The following PCDH15 variants were observed in gnomAD, a reference collection of about 807,000 sequenced individuals.
PCDH15 encodes protocadherin-15.
A neutral mutation model predicts 178.5 loss-of-function variants in PCDH15; 129 were observed. The ratio of observed to expected loss-of-function variants is 0.72; its 90% confidence interval spans 0.63 to 0.84. PCDH15 has a LOEUF of 0.84. Among genes scored for constraint, PCDH15 ranks in the 40% least tolerant of loss-of-function variants. The pLI, the probability that PCDH15 is intolerant of heterozygous loss-of-function variation, is 0.00. For missense variants in PCDH15, 2,230 were observed against 2,099.9 expected (o/e 1.06, Z -1.21); for synonymous variants, 800 against 732.0 (o/e 1.09, Z -1.50).
chr10:54,020,891 T>C (rs1349657649), intron 19 of PCDH15, among the ~76,000 whole-genome samples: 1 of 152,006 alleles, frequency 6.6e-6, no homozygotes, highest in East Asian at 1.9e-4. Context: ...TAAAGTACTA[T>C]AAGAAAACTG....
chr10:54,440,312 G>A (rs182087166), intron 3 of PCDH15, among the ~76,000 whole-genome samples: 1 of 152,016 alleles, frequency 6.6e-6, no homozygotes, highest in East Asian at 1.9e-4. Flanking sequence ...AGGTAAAATA[G>A]TTTCAAAACT....
intron 2 of PCDH15, among the ~76,000 whole-genome samples, chr10:55,134,822 A>C (rs1327197999): frequency 1.3e-5 from 2 of 152,170 alleles, no homozygotes; most frequent in Admixed American, 1.3e-4. Flanking sequence ...TTTTAGACTA[A>C]TCCTTCTTAA....
At chr10:53,912,165 C>A (rs1352387801) in intron 25 of PCDH15, among the ~76,000 whole-genome samples, 1 of 152,136 alleles carries the variant, frequency 6.6e-6, no homozygotes, top group African/African-American at 2.4e-5. Context: ...TAAACGTAAT[C>A]CATCACATAA....
chr10:55,230,498 C>T (rs548928038), intron 1 of PCDH15, among the ~76,000 whole-genome samples: 1 of 152,144 alleles, frequency 6.6e-6, no homozygotes, highest in East Asian at 1.9e-4. Flanking sequence ...AATACATTAA[C>T]ATTTATTGTG....
intron 6 of PCDH15, among the ~76,000 whole-genome samples, chr10:54,341,381 C>T (rs1239036979): frequency 5.9e-5 from 9 of 152,176 alleles, no homozygotes; most frequent in African/African-American, 2.2e-4. Context: ...CTTTCTGCCT[C>T]CTGCTGCATG....
At chr10:54,965,454 T>C (rs1475881120) in intron 2 of PCDH15, among the ~76,000 whole-genome samples, 1 of 152,096 alleles carries the variant, frequency 6.6e-6, no homozygotes, top group Non-Finnish European at 1.5e-5. Context: ...TCTTTGCTCC[T>C]CCTTGACCTT....
intron 2 of PCDH15, among the ~76,000 whole-genome samples, chr10:55,339,125 T>A (rs1261217474): frequency 6.6e-6 from 1 of 152,138 alleles, no homozygotes; most frequent in Admixed American, 6.6e-5. Flanking sequence ...TATTTTAAAA[T>A]ACTGAAAGAG....
intron 3 of PCDH15, among the ~76,000 whole-genome samples, chr10:54,487,255 A>G (rs1279991571): frequency 6.6e-6 from 1 of 152,086 alleles, no homozygotes; most frequent in Non-Finnish European, 1.5e-5. Context: ...AAAGACAAAT[A>G]TCACATGTTT....
intron 28 of PCDH15, among the ~76,000 whole-genome samples, chr10:53,841,290 GTTTAAA>G (rs898448206): frequency 1.5e-4 from 23 of 151,882 alleles, no homozygotes; most frequent in African/African-American, 5.3e-4. Flanking sequence ...ATTTACAGAT[GTTTAAA>G]TTTAAATAAT....
At chr10:54,273,529 T>C (rs542592656) in intron 8 of PCDH15, among the ~76,000 whole-genome samples, 2 of 152,198 alleles carry the variant, frequency 1.3e-5, no homozygotes, top group East Asian at 3.9e-4. Context: ...AGTAGCAATG[T>C]AAGCCATAAT....
intron 3 of PCDH15, among the ~76,000 whole-genome samples, chr10:54,482,203 T>C (rs941160066): frequency 6.6e-6 from 1 of 151,830 alleles, no homozygotes; most frequent in Non-Finnish European, 1.5e-5. Context: ...TTTAAAAATG[T>C]TTGGAATTTT....
At chr10:53,970,609 T>C (rs9703060) in intron 21 of PCDH15, among the ~76,000 whole-genome samples, 107,172 of 151,850 alleles carry the variant, frequency 0.71, 38,203 homozygotes, top group East Asian at 0.87. Context: ...AAGGGGATAT[T>C]ACCACTGAGC....
At chr10:55,003,323 C>A (rs1839838910) in intron 2 of PCDH15, among the ~76,000 whole-genome samples, 1 of 152,034 alleles carries the variant, frequency 6.6e-6, no homozygotes, top group African/African-American at 2.4e-5. Context: ...AAGAAAATTT[C>A]TAGGACACAA....
At chr10:54,202,570 T>C (rs1410264938) in intron 10 of PCDH15, among the ~76,000 whole-genome samples, 1 of 152,018 alleles carries the variant, frequency 6.6e-6, no homozygotes, top group African/African-American at 2.4e-5. Flanking sequence ...CCTAACACTT[T>C]GGGAGGCTGA....
chr10:54,133,026 AAAG>A lies in PCDH15; in HGVS notation c.1785-22_1785-20del. 6.2e-7 allele frequency: 1 copy of A among 1,613,972 alleles called. No individual in the cohort carries two copies. The highest frequency in any genetic ancestry group is 8.5e-7 in the Non-Finnish European group (1 of 1,179,898). ...GGAGTTCCTGCAGAGAAAGAGAGGA[AAAG>A]AAGATGGTTACGAATCTGCATCACA... On this transcript the variant is annotated intron_variant, in intron 14 of 37. Transcript: ENST00000644397.
rs2061328657 is a variant in PCDH15, at chr10:54,317,196, T to C, written c.876+75A>G. On this transcript the variant is annotated intron_variant, in intron 8 of 37. Transcript: ENST00000644397. ...GTTTTGCTATTATAAATTATATGTCTACAAAATACTTGAACATGATCCCAT... is the reference window on the plus strand; with the variant it reads ...GTTTTGCTATTATAAATTATATGTCCACAAAATACTTGAACATGATCCCAT... 2.7e-6 allele frequency: 4 copies of C among 1,494,488 alleles called. No homozygotes were observed. In the East Asian group the frequency reaches 6.9e-5, roughly 26 times the overall value. 92.6% of individuals were successfully genotyped at this position (1,494,488 alleles called of 1,614,324 possible). A position where few individuals can be genotyped will look rare whatever the true frequency, so the allele number is the denominator to read the frequency against.
chr10:54,246,746 C>A (rs2132012995), intron 8 of PCDH15, among the ~76,000 whole-genome samples: 1 of 151,920 alleles, frequency 6.6e-6, no homozygotes, highest in South Asian at 2.1e-4. Flanking sequence ...AGATTACTGT[C>A]AGTTTTCTAA....
At chr10:54,715,640 A>G (rs1004684366) in intron 1 of PCDH15, among the ~76,000 whole-genome samples, 2 of 152,008 alleles carry the variant, frequency 1.3e-5, no homozygotes, top group African/African-American at 2.4e-5. Flanking sequence ...TTGATGCACC[A>G]TATCTCCTGG....
At chr10:53,867,404 A>T (rs2079534319) in intron 26 of PCDH15, among the ~76,000 whole-genome samples, 1 of 152,150 alleles carries the variant, frequency 6.6e-6, no homozygotes, top group Non-Finnish European at 1.5e-5. Flanking sequence ...CAACACAAAG[A>T]AGTGATAACT....
Sources: allele counts gnomAD v4.1 joint callset (sites outside exome capture counted in the v4.1 genomes callset), GRCh38; gene constraint gnomAD v4.1.1; transcripts MANE v1.5; gene names NCBI Gene and HGNC (gene_info 2026-07-23, HGNC 2026-07-21).